CCDC192: variants seen among roughly 807,000 people sequenced by gnomAD.
CCDC192 encodes the protein coiled-coil domain-containing protein 192.
intron 5 of CCDC192, among the ~76,000 whole-genome samples, chr5:127,840,097 T>G (rs778165317): frequency 2.0e-5 from 3 of 152,146 alleles, no homozygotes; most frequent in Admixed American, 2.0e-4. Context: ...ATGTTTCAAT[T>G]TGAGAGGTCT....
At position 127,772,080 on chromosome 5, in the gene CCDC192, C is replaced by T. The variant is rs75280068; in HGVS notation, c.222+17705C>T. On this transcript the variant is annotated intron_variant, in intron 3 of 6. Coordinates refer to ENST00000514853, the MANE Select transcript of CCDC192 (RefSeq NM_001317938.2). ...TTGCCAGGCACCCCTTCCTACCTGG[C>T]TGTTTCAATAATGCCAGCTATCATC... is the stretch of plus-strand genomic sequence containing the variant. 4.0e-3 allele frequency among the ~76,000 whole-genome samples: 606 copies of T among 152,254 alleles called. 3 individuals carry two copies. The highest frequency in any genetic ancestry group is 0.014 in the African/African-American group (582 of 41,552).
In CCDC192 at chr5:127,861,353, T is replaced by TA. The variant is rs111544483; in HGVS notation, c.412-14171dup. On this transcript the variant is annotated intron_variant, in intron 5 of 6. Coordinates refer to ENST00000514853, the MANE Select transcript of CCDC192 (RefSeq NM_001317938.2). ...ATAAAAATAAACTGTAATTTTAAGC[T>TA]AAAAAAAAAAAAAATGCCTGGCCGG... Among the ~76,000 whole-genome samples, 543 of 127,362 alleles carry TA rather than the reference T, an allele frequency of 4.3e-3. 3 individuals carry two copies. Among genetic ancestry groups the TA allele is most frequent in the African/African-American group, 9.6e-3 (334 of 34,618 alleles). 83.6% of individuals were successfully genotyped at this position (127,362 alleles called of 152,430 possible).
rs147784363 is a variant in CCDC192, at chr5:127,799,903, A to G, written c.411+1741A>G. Among the ~76,000 whole-genome samples the G allele has an allele frequency of 9.8e-5, 15 of 152,342 alleles. No individual in the cohort carries two copies. In the East Asian group the frequency reaches 2.9e-3, roughly 29 times the overall value. ...CAATGTGTCAAGAAAAACTTAAATGAAAACAGTATTAACGATAGTATTTAT... is the reference window on the plus strand; with the variant it reads ...CAATGTGTCAAGAAAAACTTAAATGGAAACAGTATTAACGATAGTATTTAT... On this transcript the variant is annotated intron_variant, in intron 5 of 6. Transcript: ENST00000514853.
intron 6 of CCDC192, among the ~76,000 whole-genome samples, chr5:127,925,880 T>A (rs545985508): frequency 1.4e-4 from 22 of 152,308 alleles, no homozygotes; most frequent in African/African-American, 4.8e-4. Flanking sequence ...ACAAAGCCCA[T>A]TTGTATTATC....
rs1054059558 is a variant in CCDC192, at chr5:127,906,442, T to C, written c.535+30781T>C. ...TCTGACAATGGACATTAGGGTTGTT[T>C]CTACCTTTTGGCTGTTGTGAATAAT... On this transcript the variant is annotated intron_variant, in intron 6 of 6. Coordinates refer to ENST00000514853, the MANE Select transcript of CCDC192 (RefSeq NM_001317938.2). 3.9e-5 allele frequency among the ~76,000 whole-genome samples: 6 copies of C among 152,226 alleles called. No individual in the cohort carries two copies. The East Asian group carries it at 1.2e-3, about 29-fold the overall frequency.
intron 3 of CCDC192, among the ~76,000 whole-genome samples, chr5:127,754,688 G>A (rs1197557790): frequency 6.6e-6 from 1 of 152,088 alleles, no homozygotes; most frequent in Non-Finnish European, 1.5e-5. Flanking sequence ...CTTTAACTAA[G>A]TGATCTTCCT....
At chr5:127,709,461 C>G (rs1751197230) in intron 2 of CCDC192, among the ~76,000 whole-genome samples, 1 of 152,166 alleles carries the variant, frequency 6.6e-6, no homozygotes, top group Admixed American at 6.5e-5. Context: ...TTATCACCAG[C>G]TAAGAATAAT....
intron 2 of CCDC192, among the ~76,000 whole-genome samples, chr5:127,712,897 G>A (rs754488849): frequency 2.0e-5 from 3 of 152,110 alleles, no homozygotes; most frequent in Admixed American, 6.6e-5. Context: ...ATTTTAGTTC[G>A]TCTACATTCT....
intron 6 of CCDC192, among the ~76,000 whole-genome samples, chr5:127,915,342 C>T (rs1181811509): frequency 6.6e-6 from 1 of 152,180 alleles, no homozygotes; most frequent in Non-Finnish European, 1.5e-5. Context: ...CCACATACAG[C>T]CCAGGACAGT....
rs563634361 is a variant in CCDC192, at chr5:127,936,439, G to A, written c.536-4743G>A. Among the ~76,000 whole-genome samples the A allele has an allele frequency of 1.6e-4, 25 of 152,248 alleles. 1 individual carries two copies. The South Asian group carries it at 3.7e-3, about 23-fold the overall frequency. On this transcript the variant is annotated intron_variant, in intron 6 of 6. Coordinates refer to ENST00000514853, the MANE Select transcript of CCDC192 (RefSeq NM_001317938.2). The stretch of plus-strand genomic sequence containing the variant: ...AAAGTGAGTACAGCCTGGGTCAGCC[G>A]AAGGCAGAATGCTGGGACTGCCTCT...
chr5:127,710,253 T>C lies in CCDC192; in HGVS notation c.114+2493T>C, dbSNP rs1751246859. Among the ~76,000 whole-genome samples, 4 of 152,186 alleles carry C rather than the reference T, an allele frequency of 2.6e-5. No individual in the cohort carries two copies. In the South Asian group the frequency reaches 8.3e-4, roughly 32 times the overall value. The stretch of plus-strand genomic sequence containing the variant: ...CTTCCACAACGCAGTCTCTTTTAAG[T>C]CATGGAACTCACAGAGCACAGAACT... On this transcript the variant is annotated intron_variant, in intron 2 of 6. Transcript: ENST00000514853.
intron 6 of CCDC192, chr5:127,940,510 C>G (rs1402913836): frequency 6.6e-6 from 1 of 152,152 alleles, no homozygotes; most frequent in Non-Finnish European, 1.5e-5. Flanking sequence ...AGTGCAGTAG[C>G]ATGATCTCGG....
chr5:127,719,209 T>C (rs563050273), intron 2 of CCDC192, among the ~76,000 whole-genome samples: 94 of 152,188 alleles, frequency 6.2e-4, no homozygotes, highest in African/African-American at 2.2e-3. Flanking sequence ...TTCATCCATA[T>C]TGTTGAAAAG....
chr5:127,874,993 T>C (rs1307757619), intron 5 of CCDC192, among the ~76,000 whole-genome samples: 1 of 152,194 alleles, frequency 6.6e-6, no homozygotes, highest in Non-Finnish European at 1.5e-5. Flanking sequence ...ACCATTCTTA[T>C]GCTTGACGCT....
chr5:127,791,966 A>G (rs1437102716), intron 3 of CCDC192, among the ~76,000 whole-genome samples: 3 of 152,212 alleles, frequency 2.0e-5, no homozygotes, highest in Non-Finnish European at 4.4e-5. Flanking sequence ...AATCAGGAGA[A>G]TGATGTATGA....
chr5:127,705,084 C>G (rs1188609985), intron 1 of CCDC192, among the ~76,000 whole-genome samples: 2 of 152,060 alleles, frequency 1.3e-5, no homozygotes, highest in East Asian at 1.9e-4. Flanking sequence ...TCCAGTGAAC[C>G]CTGAAGTAAG....
At chr5:127,827,625 G>A (rs755758798) in intron 5 of CCDC192, among the ~76,000 whole-genome samples, 2 of 152,140 alleles carry the variant, frequency 1.3e-5, no homozygotes, top group South Asian at 2.1e-4. Context: ...GCGGAAGAAC[G>A]CCTTGTGCTG....
At chr5:127,766,600 G>A (rs1448695854) in intron 3 of CCDC192, among the ~76,000 whole-genome samples, 10 of 101,630 alleles carry the variant, frequency 9.8e-5, no homozygotes, top group African/African-American at 1.6e-4. Flanking sequence ...ATGTACTCAC[G>A]TCCTGTGTAA....
At chr5:127,920,938 T>C (rs1170855375) in intron 6 of CCDC192, among the ~76,000 whole-genome samples, 1 of 151,634 alleles carries the variant, frequency 6.6e-6, no homozygotes, top group Non-Finnish European at 1.5e-5. Flanking sequence ...TGTGCACCTG[T>C]AGTCCCAGCT....
Sources: allele counts gnomAD v4.1 joint callset (sites outside exome capture counted in the v4.1 genomes callset), GRCh38; gene constraint gnomAD v4.1.1; transcripts MANE v1.5; gene names NCBI Gene and HGNC (gene_info 2026-07-23, HGNC 2026-07-21).